Variants in RIMS3 observed in about 807,000 individuals in gnomAD.
The protein encoded by RIMS3 is regulating synaptic membrane exocytosis protein 3.
A neutral mutation model predicts 29.2 loss-of-function variants in RIMS3; 15 were observed. That is an observed-to-expected ratio of 0.51 (90% CI 0.34 to 0.79). The LOEUF (loss-of-function observed/expected upper bound fraction) is 0.79, where lower values mean the gene tolerates loss of function less well. RIMS3 is among the 30% of genes least tolerant of loss of function. RIMS3 has a pLI of 0.01. For missense variants in RIMS3, 342 were observed against 421.4 expected, an observed-to-expected ratio of 0.81 and a Z score of 1.65; for synonymous variants, 161 against 170.1, an observed-to-expected ratio of 0.95 and a Z score of 0.41.
At chr1:40,626,830 C>T (rs761504091) in intron 7 of RIMS3, 101 bp from the exon 8 acceptor site, 4 of 994,822 alleles carry the variant, frequency 4.0e-6, no homozygotes, top group Non-Finnish European at 6.3e-6. Context: ...ACAGATGGAG[C>T]AGAGGGAGCC....
In RIMS3 at chr1:40,626,334, ACACACACGCACG is replaced by A. The variant is rs999127368; in HGVS notation, c.*171_*182del. The A allele has an allele frequency of 3.1e-5, 20 of 653,844 alleles. No individual in the cohort carries two copies. The highest frequency in any genetic ancestry group is 6.6e-5 in the Admixed American group (3 of 45,342). 40.5% of individuals were successfully genotyped at this position (653,844 alleles called of 1,614,324 possible). On this transcript the variant is annotated 3_prime_UTR_variant, in exon 8 of 8. Coordinates refer to ENST00000372684, the MANE Select transcript of RIMS3 (RefSeq NM_014747.3). ...ATAGAACGTGGTCACGTACACACAC[ACACACACGCACG>A]CACACACGCACACACTACAGTCTCC...
chr1:40,682,512 C>A, the RIMS3 span, among the ~76,000 whole-genome samples: 1 of 151,832 alleles, frequency 6.6e-6, no homozygotes, highest in African/African-American at 2.4e-5. Flanking sequence ...CTTTTGAGTT[C>A]TCGCTCCCCA....
intron 5 of RIMS3, 28 bp downstream of exon 5, chr1:40,633,041 C>A: frequency 1.9e-6 from 3 of 1,575,246 alleles, no homozygotes; most frequent in Non-Finnish European, 2.6e-6. Flanking sequence ...ACCATTACCC[C>A]ACTCAACCTG....
At chr1:40,655,551 C>G (rs1642262553) in intron 1 of RIMS3, among the ~76,000 whole-genome samples, 1 of 152,208 alleles carries the variant, frequency 6.6e-6, no homozygotes, top group African/African-American at 2.4e-5. Context: ...GAGAGCAGGC[C>G]AGCGCAGCAG....
At chr1:40,657,510 C>T (rs997481168) in intron 1 of RIMS3, among the ~76,000 whole-genome samples, 8 of 152,094 alleles carry the variant, frequency 5.3e-5, no homozygotes, top group Non-Finnish European at 1.2e-4. Flanking sequence ...CTTTCAGAGG[C>T]CAAGATGGGA....
chr1:40,657,746 C>CAAAAAAAAAAAAAAAAAA (rs34448324), intron 1 of RIMS3, among the ~76,000 whole-genome samples: 1 of 88,126 alleles, frequency 1.1e-5, no homozygotes, highest in Non-Finnish European at 2.2e-5. Flanking sequence ...GACAATGTCT[C>CAAAAAAAAAAAAAAAAAA]AAAAAAAAAA....
chr1:40,680,349 T>A, the RIMS3 span, among the ~76,000 whole-genome samples: 1 of 149,936 alleles, frequency 6.7e-6, no homozygotes, highest in African/African-American at 2.5e-5. Flanking sequence ...TTTTTTTTTT[T>A]AAGACAGAGT....
chr1:40,655,303 C>G (rs1034396175), intron 1 of RIMS3, among the ~76,000 whole-genome samples: 10 of 152,038 alleles, frequency 6.6e-5, no homozygotes, highest in African/African-American at 2.4e-4. Context: ...TCCCTGAGGC[C>G]TGTGTTATAC....
intron 1 of RIMS3, among the ~76,000 whole-genome samples, chr1:40,649,175 G>T (rs562981494): frequency 1.4e-5 from 2 of 144,842 alleles, no homozygotes; most frequent in Non-Finnish European, 3.0e-5. Flanking sequence ...AGGCTGGCAC[G>T]TGCATGCACA....
chr1:40,672,589 G>A, the RIMS3 span, among the ~76,000 whole-genome samples: 2 of 152,198 alleles, frequency 1.3e-5, no homozygotes, highest in Non-Finnish European at 2.9e-5. Context: ...AGAGAAAATC[G>A]ATGTGGTCTG....
At chr1:40,648,024 T>C (rs962471245) in intron 1 of RIMS3, among the ~76,000 whole-genome samples, 182 bp from the exon 2 acceptor site, 1 of 152,198 alleles carries the variant, frequency 6.6e-6, no homozygotes, top group East Asian at 1.9e-4. Context: ...TGGGCCCCCT[T>C]AATGTTCCTT....
At chr1:40,688,937 C>T in the RIMS3 span, among the ~76,000 whole-genome samples, 10 of 152,116 alleles carry the variant, frequency 6.6e-5, no homozygotes, top group Non-Finnish European at 1.0e-4. Context: ...TCCCATATGC[C>T]CTTTATCAGA....
At chr1:40,648,967 AT>A (rs2148354421) in intron 1 of RIMS3, among the ~76,000 whole-genome samples, 1 of 152,330 alleles carries the variant, frequency 6.6e-6, no homozygotes, top group South Asian at 2.1e-4. Context: ...CAGTGCCTGC[AT>A]TCACAGAAGG....
chr1:40,627,730 T>C (rs1646464482), intron 7 of RIMS3, among the ~76,000 whole-genome samples: 2 of 151,830 alleles, frequency 1.3e-5, no homozygotes, highest in African/African-American at 2.4e-5. Flanking sequence ...GCACCTCGAG[T>C]AGCTGGGATT....
chr1:40,691,466 C>A, the RIMS3 span: 1 of 288,630 alleles, frequency 3.5e-6, no homozygotes, highest in South Asian at 2.6e-5. Context: ...CAAGGATAGG[C>A]AGGGTGGTGG....
chr1:40,653,328 A>C (rs1288888271), intron 1 of RIMS3, among the ~76,000 whole-genome samples: 1 of 152,182 alleles, frequency 6.6e-6, no homozygotes. Flanking sequence ...CAACTGAAGG[A>C]GGGAGAGTCC....
upstream of RIMS3, among the ~76,000 whole-genome samples, chr1:40,670,219 G>A (rs1642474081): frequency 6.6e-6 from 1 of 152,010 alleles, no homozygotes. Context: ...ATAATTATGA[G>A]CAAAACATGG....
In RIMS3 at chr1:40,635,084, G is replaced by A. The variant is rs114531176; in HGVS notation, c.359+832C>T. ...ATGTAATAAATGCTTGAGAGCACTC[G>A]CATTCATGGAAGTAGGTGCAGCAGT... is the stretch of plus-strand genomic sequence containing the variant. On this transcript the variant is annotated intron_variant, in intron 4 of 7. Transcript: ENST00000372684. The surrounding 1 kb of genome is among the most constrained non-coding windows in gnomAD (Gnocchi z 4.1). Among the ~76,000 whole-genome samples the A allele has an allele frequency of 0.011, 1,700 of 152,266 alleles. 22 individuals are homozygous for A. Among genetic ancestry groups the A allele is most frequent in the African/African-American group, 0.038 (1,593 of 41,550 alleles).
At chr1:40,669,265 C>T (rs567727028), upstream of RIMS3, 1 of 152,200 alleles carries the variant, frequency 6.6e-6, no homozygotes, top group Non-Finnish European at 1.5e-5. Flanking sequence ...GCACTGTATT[C>T]TTATCTCCAT....
Sources: allele counts gnomAD v4.1 joint callset (sites outside exome capture counted in the v4.1 genomes callset), GRCh38; gene constraint gnomAD v4.1.1; non-coding constraint Gnocchi (gnomAD v3.1); transcripts MANE v1.5; gene names NCBI Gene and HGNC (gene_info 2026-07-23, HGNC 2026-07-21).